Variants in PCDH9 observed in about 807,000 individuals in gnomAD.
The protein encoded by PCDH9 is protocadherin-9.
In PCDH9, 24 loss-of-function variants were observed where a neutral mutation model predicts 70.6. The ratio of observed to expected loss-of-function variants is 0.34; its 90% CI spans 0.25 to 0.48. The LOEUF (loss-of-function observed/expected upper bound fraction) is 0.48, where lower values mean the gene tolerates loss of function less well. Among genes scored for constraint, PCDH9 ranks in the 20% least tolerant of loss-of-function variants. The probability of loss-of-function intolerance (pLI) is 0.99; values close to 1 mark genes in which losing one functional copy is unlikely to be tolerated. For missense variants in PCDH9, 1,281 were observed against 1,503.6 expected (o/e 0.85, Z 2.45); for synonymous variants, 562 against 558.5 (o/e 1.01, Z -0.09).
chr13:66,381,598 G>C (rs891108298), intron 4 of PCDH9, among the ~76,000 whole-genome samples: 1 of 152,128 alleles, frequency 6.6e-6, no homozygotes, highest in Non-Finnish European at 1.5e-5. Context: ...CATAAGCATA[G>C]CAAAAGTCTT....
chr13:66,385,844 C>T (rs1248056871), intron 4 of PCDH9, among the ~76,000 whole-genome samples: 2 of 152,052 alleles, frequency 1.3e-5, no homozygotes, highest in Non-Finnish European at 1.5e-5. Flanking sequence ...AAACCAAAAT[C>T]AGGTTGAGAA....
At chr13:67,010,888 T>G (rs2084439903) in intron 2 of PCDH9, among the ~76,000 whole-genome samples, 1 of 152,014 alleles carries the variant, frequency 6.6e-6, no homozygotes, top group African/African-American at 2.4e-5. Flanking sequence ...AAAGATTAGA[T>G]ATTTAGTTCT....
intron 2 of PCDH9, among the ~76,000 whole-genome samples, chr13:67,021,325 C>A (rs996740349): frequency 6.6e-6 from 1 of 152,120 alleles, no homozygotes; most frequent in African/African-American, 2.4e-5. Context: ...TGCCTGAGCA[C>A]CAAGTACTCA....
chr13:66,930,510 T>C (rs998895243), intron 2 of PCDH9, among the ~76,000 whole-genome samples: 5 of 152,162 alleles, frequency 3.3e-5, no homozygotes, highest in African/African-American at 1.2e-4. Flanking sequence ...ATAAAAGCCA[T>C]TGAAGAAGTA....
chr13:66,930,090 C>T (rs561838370), intron 2 of PCDH9, among the ~76,000 whole-genome samples: 4 of 152,094 alleles, frequency 2.6e-5, no homozygotes, highest in Non-Finnish European at 4.4e-5. Context: ...AAAGATATTC[C>T]TATGATAGGA....
At chr13:66,335,731 G>A (rs1479866468) in intron 4 of PCDH9, among the ~76,000 whole-genome samples, 1 of 152,094 alleles carries the variant, frequency 6.6e-6, no homozygotes, top group Non-Finnish European at 1.5e-5. Context: ...GTGAAATGTG[G>A]TTTGACTCTA....
At chr13:66,851,551 A>G (rs2081314256) in intron 3 of PCDH9, among the ~76,000 whole-genome samples, 2 of 149,672 alleles carry the variant, frequency 1.3e-5, no homozygotes, top group African/African-American at 4.9e-5. Context: ...CCTGAGTTCT[A>G]TGTAACACCC....
intron 4 of PCDH9, among the ~76,000 whole-genome samples, chr13:66,471,907 TA>T (rs1425158660): frequency 6.6e-6 from 1 of 152,158 alleles, no homozygotes; most frequent in Non-Finnish European, 1.5e-5. Context: ...GTAACATTTT[TA>T]TTCATTGAAA....
chr13:66,928,807 T>G (rs2082757500), intron 2 of PCDH9, among the ~76,000 whole-genome samples: 1 of 152,066 alleles, frequency 6.6e-6, no homozygotes, highest in Non-Finnish European at 1.5e-5. Context: ...TTACCCAAAC[T>G]AAGGTACTTT....
intron 2 of PCDH9, among the ~76,000 whole-genome samples, chr13:67,041,614 G>C (rs2085115630): frequency 6.6e-6 from 1 of 151,898 alleles, no homozygotes; most frequent in Admixed American, 6.6e-5. Flanking sequence ...GGTGGATCAC[G>C]AGGTCAGGAG....
intron 3 of PCDH9, among the ~76,000 whole-genome samples, chr13:66,776,182 G>A (rs1360930297): frequency 1.3e-5 from 2 of 151,390 alleles, no homozygotes; most frequent in Admixed American, 1.3e-4. Flanking sequence ...ATACTGAATG[G>A]TCAAAAACTG....
intron 4 of PCDH9, among the ~76,000 whole-genome samples, chr13:66,449,366 G>C (rs1288207454): frequency 1.3e-5 from 2 of 152,056 alleles, no homozygotes; most frequent in Non-Finnish European, 2.9e-5. Context: ...TCATTATAAC[G>C]TCTTCCTGTC....
chr13:66,412,189 T>G (rs1373330742), intron 4 of PCDH9, among the ~76,000 whole-genome samples: 1 of 152,168 alleles, frequency 6.6e-6, no homozygotes, highest in Non-Finnish European at 1.5e-5. Context: ...ATTTTGAAGA[T>G]TTTGAAGAGT....
chr13:67,102,524 C>T (rs2086455041), intron 2 of PCDH9, among the ~76,000 whole-genome samples: 1 of 151,994 alleles, frequency 6.6e-6, no homozygotes, highest in Non-Finnish European at 1.5e-5. Flanking sequence ...AATGAAAACA[C>T]TTTCAAATAG....
intron 3 of PCDH9, among the ~76,000 whole-genome samples, chr13:66,849,170 G>A (rs1227692684): frequency 6.6e-6 from 1 of 151,878 alleles, no homozygotes; most frequent in African/African-American, 2.4e-5. Context: ...ATATATTGAT[G>A]ATATATGGTC....
chr13:66,763,716 A>G (rs191186558), intron 3 of PCDH9, among the ~76,000 whole-genome samples: 3 of 152,220 alleles, frequency 2.0e-5, no homozygotes, highest in Admixed American at 2.0e-4. Context: ...TTATATTTCC[A>G]ATGATTCTTT....
chr13:66,623,700 A>G (rs1276497471), intron 4 of PCDH9, among the ~76,000 whole-genome samples: 1 of 152,182 alleles, frequency 6.6e-6, no homozygotes, highest in Non-Finnish European at 1.5e-5. Context: ...CAGCCTCCCA[A>G]ATCGCTGGAA....
chr13:66,574,921 C>T (rs1013108382), intron 4 of PCDH9, among the ~76,000 whole-genome samples: 1 of 152,072 alleles, frequency 6.6e-6, no homozygotes. Flanking sequence ...GCCTGTAATC[C>T]CAGCCCTTCG....
intron 2 of PCDH9, among the ~76,000 whole-genome samples, chr13:66,994,016 A>G (rs1427110181): frequency 6.6e-6 from 1 of 152,188 alleles, no homozygotes; most frequent in Non-Finnish European, 1.5e-5. Context: ...GAGAAAAAGA[A>G]AGAAAGAAAA....
Sources: gnomAD v4.1 joint callset for allele counts (sites outside exome capture counted in the v4.1 genomes callset) on GRCh38, gnomAD v4.1.1 for gene constraint, MANE v1.5 for transcripts, NCBI Gene and HGNC (gene_info 2026-07-23, HGNC 2026-07-21) for gene names.